The following CUL2 variants were observed in gnomAD, a reference collection of about 807,000 sequenced individuals.
CUL2 encodes the protein cullin 2, also known as cullin-2.
Under a neutral mutation model 110.2 loss-of-function variants are expected in CUL2, and 22 were observed. The observed-to-expected ratio is 0.20, with a 90% CI of 0.14 to 0.28. CUL2 has a LOEUF of 0.28. Ranked by LOEUF, CUL2 falls within the 10% of genes least tolerant of loss-of-function variation. CUL2 has a pLI of 1.00. For synonymous variants in CUL2, 279 were observed against 293.2 expected (o/e 0.95, Z 0.49); for missense variants, 631 against 905.5 (o/e 0.70, Z 3.89).
At chr10:35,038,863 G>C in intron 9 of CUL2, 57 bp downstream of exon 9, 2 of 1,170,360 alleles carry the variant, frequency 1.7e-6, no homozygotes, top group Non-Finnish European at 2.4e-6. Context: ...GTGACTAGAG[G>C]ATGATATAAA....
intron 3 of CUL2, among the ~76,000 whole-genome samples, chr10:35,061,871 G>A (rs1014870352): frequency 1.3e-5 from 2 of 149,688 alleles, no homozygotes; most frequent in East Asian, 2.0e-4. Context: ...GCCTCCCAAA[G>A]TACAGAGATT....
intron 16 of CUL2, 139 bp from the exon 17 acceptor site, chr10:35,025,337 T>C: frequency 8.0e-7 from 1 of 1,257,036 alleles, no homozygotes; most frequent in Non-Finnish European, 1.0e-6. Context: ...CTCCTTCTTT[T>C]ACAGAGGAGA....
chr10:35,076,682 A>G (rs1465990975), intron 1 of CUL2, among the ~76,000 whole-genome samples: 3 of 152,162 alleles, frequency 2.0e-5, no homozygotes, highest in African/African-American at 7.2e-5. Flanking sequence ...TAATATAAAC[A>G]TGGTATTTTT....
At chr10:35,023,225 T>C (rs553096373) in intron 17 of CUL2, among the ~76,000 whole-genome samples, 2 of 152,316 alleles carry the variant, frequency 1.3e-5, no homozygotes, top group Non-Finnish European at 2.9e-5. Context: ...ACAATTTTTA[T>C]GTGTCAATTG....
intron 2 of CUL2, among the ~76,000 whole-genome samples, chr10:35,095,684 G>A (rs552761505): frequency 1.1e-4 from 17 of 151,920 alleles, no homozygotes; most frequent in African/African-American, 2.7e-4. Flanking sequence ...TCAGACTCCC[G>A]AGTAGCTGGA....
intron 1 of CUL2, chr10:35,118,047 A>T (rs1011878990): frequency 6.6e-6 from 1 of 152,196 alleles, no homozygotes; most frequent in African/African-American, 2.4e-5. Context: ...GACACATCAT[A>T]ATCATCCAAA....
intron 14 of CUL2, among the ~76,000 whole-genome samples, chr10:35,030,598 G>C (rs1250024973): frequency 1.3e-5 from 2 of 152,130 alleles, no homozygotes; most frequent in Middle Eastern, 3.2e-3. Flanking sequence ...TCCCAGGCTG[G>C]TCTTGAACTA....
intron 9 of CUL2, among the ~76,000 whole-genome samples, chr10:35,037,843 A>AAAAAAC (rs1258339442): frequency 1.3e-5 from 2 of 152,048 alleles, no homozygotes; most frequent in African/African-American, 4.8e-5. Flanking sequence ...ACTCCGTCTC[A>AAAAAAC]AAAAACAAAA....
At chr10:35,091,343 T>G (rs548080270), upstream of CUL2, among the ~76,000 whole-genome samples, 3 of 152,328 alleles carry the variant, frequency 2.0e-5, no homozygotes, top group South Asian at 6.2e-4. Flanking sequence ...TTTAAAACCC[T>G]GCCTCCAGAC....
chr10:35,099,268 G>A (rs2087343082), intron 2 of CUL2, among the ~76,000 whole-genome samples: 1 of 151,932 alleles, frequency 6.6e-6, no homozygotes, highest in Admixed American at 6.6e-5. Flanking sequence ...TTACGCGCCT[G>A]TAGTCCCAGC....
Position 35,071,207 on chromosome 10 carries a change from G to A in CUL2, c.111C>T (p.Asp37=). ...TGCCATTAAAAGGATACGAGAAACG[G>A]TCATTCCATGTTGCTCTTTCGACGT... ...LEYVERATWN[D]RFSDIYALCV... Residue 37 remains aspartate, a synonymous_variant, in exon 2 of 21, where the codon GAC becomes GAT. Transcript: ENST00000374749. 4.3e-6 allele frequency: 7 copies of A among 1,613,554 alleles called. No individual in the cohort carries two copies. Among genetic ancestry groups the A allele is most frequent in the Non-Finnish European group, 5.1e-6 (6 of 1,179,760 alleles).
chr10:35,029,883 T>C (rs1564705554), intron 14 of CUL2, among the ~76,000 whole-genome samples: 1 of 152,170 alleles, frequency 6.6e-6, no homozygotes. Context: ...ACAATAAATC[T>C]CCCCTTAAAC....
chr10:35,071,235 T>G lies in CUL2; in HGVS notation c.83A>C (p.Glu28Ala). ...ATTCCATGTTGCTCTTTCGACGTATTCCAACATGACCACGGCTTTTATTGT... is the reference window on the plus strand; with the variant it reads ...ATTCCATGTTGCTCTTTCGACGTATGCCAACATGACCACGGCTTTTATTGT... Reference protein sequence around the residue: ...LTTIKAVVMLEYVERATWNDR... With the variant: ...LTTIKAVVMLAYVERATWNDR... The change falls in exon 2 of 21, where the codon GAA becomes GCA. Residue 28 changes from glutamate (E) to alanine (A), a missense_variant. Transcript: ENST00000374749. The G allele has an allele frequency of 6.2e-7, 1 of 1,614,138 alleles. No homozygotes were observed.
chr10:35,017,564 T>C (rs2085067858), intron 17 of CUL2, among the ~76,000 whole-genome samples: 1 of 151,912 alleles, frequency 6.6e-6, no homozygotes. Context: ...CATGATGGCA[T>C]ATGCCTGTAA....
intron 20 of CUL2, 112 bp from the exon 21 acceptor site, chr10:35,010,554 G>T: frequency 1.1e-6 from 1 of 938,178 alleles, no homozygotes; most frequent in Non-Finnish European, 1.5e-6. Flanking sequence ...CAACAAATGG[G>T]CCAAATTAAG....
intron 1 of CUL2, among the ~76,000 whole-genome samples, chr10:35,103,129 T>C (rs1024284750): frequency 6.6e-6 from 1 of 151,928 alleles, no homozygotes; most frequent in Non-Finnish European, 1.5e-5. Context: ...ATCCCAAATC[T>C]ACTTGACTCA....
intron 3 of CUL2, among the ~76,000 whole-genome samples, chr10:35,062,438 T>C (rs1371216067): frequency 6.6e-6 from 1 of 152,150 alleles, no homozygotes; most frequent in Non-Finnish European, 1.5e-5. Flanking sequence ...TAGGAGCACA[T>C]TTTAAAACTC....
intron 1 of CUL2, among the ~76,000 whole-genome samples, chr10:35,071,611 T>C (rs2086682603): frequency 6.6e-6 from 1 of 152,190 alleles, no homozygotes; most frequent in Non-Finnish European, 1.5e-5. Flanking sequence ...GGTTTCACTG[T>C]GTTAGCCAGG....
At chr10:35,045,559 A>AC (rs1448088658) in intron 6 of CUL2, among the ~76,000 whole-genome samples, 2 of 151,380 alleles carry the variant, frequency 1.3e-5, no homozygotes, top group Non-Finnish European at 1.5e-5. Context: ...AAAAAAAAAA[A>AC]AACAACTTAG....
Sources: gnomAD v4.1 joint callset for allele counts (sites outside exome capture counted in the v4.1 genomes callset) on GRCh38, gnomAD v4.1.1 for gene constraint, MANE v1.5 for transcripts, NCBI Gene and HGNC (gene_info 2026-07-23, HGNC 2026-07-21) for gene names.